The following ACOD1 variants were observed in gnomAD, a reference collection of about 807,000 sequenced individuals.
ACOD1 encodes cis-aconitate decarboxylase.
A neutral mutation model predicts 14.2 loss-of-function variants in ACOD1; 14 were observed. That is an observed-to-expected ratio of 0.99 (90% CI 0.65 to 1.54). The LOEUF (loss-of-function observed/expected upper bound fraction) is 1.54, where lower values mean the gene tolerates loss of function less well. ACOD1 is among the 40% of genes most tolerant of loss of function. The probability of loss-of-function intolerance (pLI) is 0.00; values close to 1 mark genes in which losing one functional copy is unlikely to be tolerated. For missense variants in ACOD1, 530 were observed against 586.3 expected (o/e 0.90, Z 0.99); for synonymous variants, 182 against 221.7 (o/e 0.82, Z 1.59).
intron 1 of ACOD1, among the ~76,000 whole-genome samples, chr13:76,951,111 A>G (rs965985616): frequency 3.9e-5 from 6 of 152,238 alleles, no homozygotes; most frequent in African/African-American, 1.4e-4. Context: ...TTCTCAAGTC[A>G]CATATGTAAT....
intron 4 of ACOD1, among the ~76,000 whole-genome samples, chr13:76,956,051 A>G (rs749839150): frequency 2.6e-5 from 4 of 152,216 alleles, no homozygotes; most frequent in African/African-American, 7.2e-5. Context: ...AGTGACTTAG[A>G]TGAGATCTCA....
intron 4 of ACOD1, among the ~76,000 whole-genome samples, chr13:76,955,811 C>T (rs2033870047): frequency 6.6e-6 from 1 of 152,170 alleles, no homozygotes; most frequent in South Asian, 2.1e-4. Context: ...ATTTCATTCT[C>T]AAAGCAGAAT....
At chr13:76,955,211 C>A (rs1170327634) in intron 3 of ACOD1, 108 bp from the exon 4 acceptor site, 1 of 642,164 alleles carries the variant, frequency 1.6e-6, no homozygotes, top group Non-Finnish European at 2.6e-6. Flanking sequence ...TCAAAAGAAT[C>A]TCACATAAAA....
chr13:76,953,627 G>T lies in ACOD1; in HGVS notation c.202G>T (p.Val68Phe). 6.5e-7 allele frequency: 1 copy of T among 1,549,828 alleles called. No homozygotes were observed. The highest frequency in any genetic ancestry group is 1.2e-5 in the South Asian group (1 of 84,010). ...CTACAGTTCCAACATATCCAGCACT[G>T]TTTGGGGTCAGCCAGACATCAGGCT... ...KIYSSNISSTVWGQPDIRLPP... is the reference protein window; with the variant it reads ...KIYSSNISSTFWGQPDIRLPP... Residue 68 changes from valine (V) to phenylalanine (F), a missense_variant, in exon 3 of 5, where the codon GTT (valine) becomes TTT (phenylalanine). Physicochemically the swap from Val to Phe is conservative, Grantham distance 50 (BLOSUM62 -1). Coordinates refer to ENST00000377462, the MANE Select transcript of ACOD1 (RefSeq NM_001258406.2).
At position 76,949,260 on chromosome 13, in the gene ACOD1, C is replaced by T. The variant is rs142234465; in HGVS notation, c.12+690C>T. ...CCAGCCTAGCGACAGAGCGAGACTC[C>T]GTCTTGAAAAAAAAAAATTGTGAAA... On this transcript the variant is annotated intron_variant, in intron 1 of 4. Coordinates refer to ENST00000377462, the MANE Select transcript of ACOD1 (RefSeq NM_001258406.2). Among the ~76,000 whole-genome samples the T allele has an allele frequency of 6.0e-3, 902 of 151,290 alleles. 8 individuals are homozygous for T. Among genetic ancestry groups the T allele is most frequent in the African/African-American group, 0.02 (810 of 40,964 alleles).
intron 3 of ACOD1, among the ~76,000 whole-genome samples, chr13:76,954,302 G>A (rs1235047554): frequency 3.3e-5 from 5 of 152,068 alleles, no homozygotes; most frequent in African/African-American, 7.2e-5. Flanking sequence ...TAAAGCCAAC[G>A]GTGCATTCCA....
rs147642933 is a variant in ACOD1 at position 76,951,318 on chromosome 13, C to T, written c.13-1171C>T. Among the ~76,000 whole-genome samples, 164 of 152,268 alleles carry T rather than the reference C, an allele frequency of 1.1e-3. 3 individuals carry two copies. The highest frequency in any genetic ancestry group is 3.7e-3 in the African/African-American group (154 of 41,548). ...TGGCATGATCTCAGCTCACTGCAAC[C>T]TCCGCCTCCCAGGTTCAAGCAATTC... On this transcript the variant is annotated intron_variant, in intron 1 of 4. Coordinates refer to ENST00000377462, the MANE Select transcript of ACOD1 (RefSeq NM_001258406.2).
At chr13:76,950,651 C>T (rs1282205224) in intron 1 of ACOD1, among the ~76,000 whole-genome samples, 3 of 152,154 alleles carry the variant, frequency 2.0e-5, no homozygotes, top group Admixed American at 2.0e-4. Context: ...CTCTCTTGGC[C>T]AATGGCACTG....
chr13:76,950,763 T>C (rs1486865913), intron 1 of ACOD1, among the ~76,000 whole-genome samples: 1 of 152,240 alleles, frequency 6.6e-6, no homozygotes, highest in African/African-American at 2.4e-5. Context: ...CAGGAATCTT[T>C]CCAAAACATT....
intron 1 of ACOD1, among the ~76,000 whole-genome samples, chr13:76,951,199 C>G (rs916010425): frequency 3.9e-5 from 6 of 151,998 alleles, no homozygotes; most frequent in Non-Finnish European, 7.4e-5. Context: ...TTATTTACAC[C>G]ATATCCCATA....
chr13:76,957,661 T>G lies in ACOD1; in HGVS notation c.1122T>G (p.Pro374=). The G allele has an allele frequency of 3.2e-6, 5 of 1,550,600 alleles. No individual in the cohort carries two copies. Among genetic ancestry groups the G allele is most frequent in the Non-Finnish European group, 4.4e-6 (5 of 1,147,000 alleles). The change falls in exon 5 of 5, where the codon CCT becomes CCG. Residue 374 remains proline (P), a synonymous_variant. Transcript: ENST00000377462. Reference sequence around the variant, plus strand: ...TCAGTAAGGTGGAGCTGGAGTACCCTCCGGACAACTTGCCAAGCTTCAACA... The same window carrying G: ...TCAGTAAGGTGGAGCTGGAGTACCCGCCGGACAACTTGCCAAGCTTCAACA... ...ELLSKVELEY[P]PDNLPSFNIL...
chr13:76,951,095 C>G (rs2033816825), intron 1 of ACOD1, among the ~76,000 whole-genome samples: 1 of 152,138 alleles, frequency 6.6e-6, no homozygotes, highest in Non-Finnish European at 1.5e-5. Context: ...GAAGAGCAGG[C>G]AGTGGTTCTC....
At position 76,957,686 on chromosome 13, in the gene ACOD1, A is replaced by G. The variant is rs1321615080; in HGVS notation, c.1147A>G (p.Ile383Val). 1.6e-5 allele frequency: 25 copies of G among 1,550,528 alleles called. No homozygotes were observed. The highest frequency in any genetic ancestry group is 2.1e-5 in the Non-Finnish European group (24 of 1,147,004). The change falls in exon 5 of 5, where the codon ATA (isoleucine) becomes GTA (valine). Residue 383 changes from isoleucine to valine, a missense_variant. Coordinates refer to ENST00000377462, the MANE Select transcript of ACOD1 (RefSeq NM_001258406.2). The stretch of plus-strand genomic sequence containing the variant: ...TCCGGACAACTTGCCAAGCTTCAAC[A>G]TACTGTACTGTGAAATAAGTGTCAC... Reference protein sequence around the residue: ...YPPDNLPSFNILYCEISVTLK... With the variant: ...YPPDNLPSFNVLYCEISVTLK...
intron 3 of ACOD1, among the ~76,000 whole-genome samples, chr13:76,954,193 C>T (rs564212650): frequency 6.6e-6 from 1 of 152,072 alleles, no homozygotes; most frequent in African/African-American, 2.4e-5. Flanking sequence ...CTGTGTGTCA[C>T]GGGAAATATT....
chr13:76,955,646 T>G (rs1302953684), intron 4 of ACOD1, 122 bp downstream of exon 4: 1 of 816,834 alleles, frequency 1.2e-6, no homozygotes, highest in Admixed American at 2.5e-5. Flanking sequence ...TTAGCACAGG[T>G]AGATAAGTCA....
chr13:76,952,522 G>T lies in ACOD1; in HGVS notation c.46G>T (p.Gly16Cys), dbSNP rs191712572. 45 of 1,550,434 alleles carry T rather than the reference G, an allele frequency of 2.9e-5. No homozygotes were observed. In the Admixed American group the frequency reaches 6.3e-4, roughly 22 times the overall value. Residue 16 changes from glycine to cysteine, a missense_variant, in exon 2 of 5, where the codon GGC becomes TGC. By Grantham distance (159) the Gly-to-Cys change is radical (BLOSUM62 -3). Transcript: ENST00000377462. ...AGAAAGCTTTGCCACAGCAATCCAT[G>T]GCTTGAAAGTGGGACACCTGACAGA... ...ITESFATAIH[G>C]LKVGHLTDRV...
Position 76,957,170 on chromosome 13 carries a change from A to C in ACOD1, c.631A>C (p.Ile211Leu). 1.9e-6 allele frequency: 3 copies of C among 1,550,652 alleles called. No homozygotes were observed. The highest frequency in any genetic ancestry group is 1.7e-6 in the Non-Finnish European group (2 of 1,146,998). ...NAATQTKPLH[I>L]GNAAKHGIEA... is the part of the protein sequence containing the mutation. ...TGCCACCCAGACCAAGCCCCTCCAC[A>C]TTGGCAATGCTGCCAAGCATGGGAT... is the stretch of plus-strand genomic sequence containing the variant. Residue 211 changes from isoleucine to leucine, a missense_variant, in exon 5 of 5, where the codon ATT becomes CTT. Ile to Leu is a conservative substitution (Grantham distance 5). Transcript: ENST00000377462.
At chr13:76,952,735 G>A in intron 2 of ACOD1, 85 bp downstream of exon 2, 1 of 1,105,476 alleles carries the variant, frequency 9.0e-7, no homozygotes. Context: ...TTTATAGACA[G>A]CACTTGATGT....
At chr13:76,956,762 C>T (rs768383497) in intron 4 of ACOD1, among the ~76,000 whole-genome samples, 1 of 152,232 alleles carries the variant, frequency 6.6e-6, no homozygotes, top group Non-Finnish European at 1.5e-5. Context: ...ACCCTCCCAC[C>T]TTGGCCTCCC....
Sources: allele counts gnomAD v4.1 joint callset (sites outside exome capture counted in the v4.1 genomes callset), GRCh38; gene constraint gnomAD v4.1.1; transcripts MANE v1.5; gene names NCBI Gene and HGNC (gene_info 2026-07-23, HGNC 2026-07-21).